The following SPARCL1 variants were observed in gnomAD, a reference collection of about 807,000 sequenced individuals.
SPARCL1 encodes SPARC like 1.
Under a neutral mutation model 67.1 loss-of-function variants are expected in SPARCL1, and 52 were observed. The observed-to-expected ratio is 0.78, with a 90% CI of 0.62 to 0.98. The LOEUF (loss-of-function observed/expected upper bound fraction) is 0.98. SPARCL1 is among the 50% of genes least tolerant of loss of function. SPARCL1 has a pLI of 0.00. For synonymous variants in SPARCL1, 226 were observed against 267.8 expected, an observed-to-expected ratio of 0.84 and a Z score of 1.52; for missense variants, 717 against 782.4, an observed-to-expected ratio of 0.92 and a Z score of 1.00.
chr4:87,523,470 C>T (rs1725908573), intron 1 of SPARCL1, among the ~76,000 whole-genome samples: 1 of 152,152 alleles, frequency 6.6e-6, no homozygotes, highest in African/African-American at 2.4e-5. Flanking sequence ...TTAAAAAGCA[C>T]TGGAAAAACA....
chr4:87,506,768 C>CTCTA (rs1311910627), intron 1 of SPARCL1, among the ~76,000 whole-genome samples: 1 of 124,158 alleles, frequency 8.1e-6, no homozygotes, highest in African/African-American at 3.1e-5. Context: ...TTATCTATAT[C>CTCTA]TCTATCTATC....
At chr4:87,499,028 C>T (rs1032633322) in intron 2 of SPARCL1, among the ~76,000 whole-genome samples, 1 of 152,126 alleles carries the variant, frequency 6.6e-6, no homozygotes, top group African/African-American at 2.4e-5. Flanking sequence ...GTGCCCGCCA[C>T]CATGCCCGGC....
At chr4:87,501,174 G>T (rs1243633144) in intron 1 of SPARCL1, among the ~76,000 whole-genome samples, 1 of 152,108 alleles carries the variant, frequency 6.6e-6, no homozygotes, top group Non-Finnish European at 1.5e-5. Flanking sequence ...CTTGGAAGTG[G>T]CACTCCCAGA....
intron 9 of SPARCL1, among the ~76,000 whole-genome samples, chr4:87,479,821 G>T (rs1264951560): frequency 6.6e-6 from 1 of 152,144 alleles, no homozygotes. Flanking sequence ...ATCTATAGGG[G>T]TGTACCCAGC....
chr4:87,517,144 A>T (rs1181251080), intron 1 of SPARCL1, among the ~76,000 whole-genome samples: 1 of 152,078 alleles, frequency 6.6e-6, no homozygotes, highest in Admixed American at 6.6e-5. Context: ...GGATTTTCTC[A>T]TATTTACATT....
In SPARCL1 at chr4:87,497,860, T is replaced by C. The variant is rs148643674; in HGVS notation, c.54+1661A>G. Among the ~76,000 whole-genome samples, 81 of 152,246 alleles carry C rather than the reference T, an allele frequency of 5.3e-4. 1 individual carries two copies. The East Asian group carries it at 0.016, about 29-fold the overall frequency. On this transcript the variant is annotated intron_variant, in intron 2 of 10. Transcript: ENST00000282470. Reference sequence around the variant, plus strand: ...GCCTCAACTACCCTGGCTTAAGGGATCCTCCCTCCTGTGCCTCCCAAGTAG... The same window carrying C: ...GCCTCAACTACCCTGGCTTAAGGGACCCTCCCTCCTGTGCCTCCCAAGTAG...
In SPARCL1 at chr4:87,494,219, T is replaced by A. The variant is rs1414978036; in HGVS notation, c.581A>T (p.Asp194Val). Reference protein sequence around the residue: ...GLRDQGNQEQDPNISNGEEEE... With the variant: ...GLRDQGNQEQVPNISNGEEEE... ...CTCTTCTCCATTGGAAATATTTGGA[T>A]CCTGCTCTTGGTTTCCTTGATCCCT... is the stretch of plus-strand genomic sequence containing the variant. The change falls in exon 4 of 11, where the codon GAT becomes GTT. Residue 194 changes from aspartate to valine, a missense_variant. Transcript: ENST00000282470. 2.4e-5 allele frequency: 39 copies of A among 1,614,046 alleles called. No individual in the cohort carries two copies. The highest frequency in any genetic ancestry group is 6.7e-5 in the Admixed American group (4 of 60,002).
intron 2 of SPARCL1, among the ~76,000 whole-genome samples, chr4:87,495,501 T>G (rs1402603908): frequency 6.6e-6 from 1 of 152,244 alleles, no homozygotes; most frequent in African/African-American, 2.4e-5. Flanking sequence ...CAAATAAAAT[T>G]AACCATAGGA....
chr4:87,516,071 T>C (rs920267531), intron 1 of SPARCL1, among the ~76,000 whole-genome samples: 2 of 152,186 alleles, frequency 1.3e-5, no homozygotes, highest in African/African-American at 4.8e-5. Context: ...CCTTGGAACT[T>C]TTACCTAATC....
In SPARCL1 at chr4:87,494,259, G is replaced by T. The variant is rs918107208; in HGVS notation, c.541C>A (p.His181Asn). Residue 181 changes from histidine (H) to asparagine (N), a missense_variant, in exon 4 of 11, where the codon CAT becomes AAT. By Grantham distance (68) the His-to-Asn change is moderately conservative. Coordinates refer to ENST00000282470, the MANE Select transcript of SPARCL1 (RefSeq NM_004684.6). ...CCTTGATCCCTTAGGCCTTGGCTAT[G>T]TTTACTGCTCCTGTTCAACTGATGA... Reference protein sequence around the residue: ...SHHQLNRSSKHSQGLRDQGNQ... With the variant: ...SHHQLNRSSKNSQGLRDQGNQ... The T allele has an allele frequency of 3.1e-6, 5 of 1,614,000 alleles. No homozygotes were observed. The highest frequency in any genetic ancestry group is 3.4e-6 in the Non-Finnish European group (4 of 1,180,018).
chr4:87,490,679 C>A, intron 6 of SPARCL1, 81 bp downstream of exon 6: 1 of 1,027,394 alleles, frequency 9.7e-7, no homozygotes, highest in East Asian at 2.5e-5. Context: ...CTTTTTTAAG[C>A]AAAAATTTCA....
At chr4:87,500,385 G>T (rs1479658611) in intron 1 of SPARCL1, among the ~76,000 whole-genome samples, 1 of 152,178 alleles carries the variant, frequency 6.6e-6, no homozygotes, top group Non-Finnish European at 1.5e-5. Flanking sequence ...GGTTAAGTAA[G>T]TTGTCTCCAG....
intron 1 of SPARCL1, among the ~76,000 whole-genome samples, chr4:87,519,227 C>T (rs575044443): frequency 5.3e-5 from 8 of 152,054 alleles, no homozygotes; most frequent in South Asian, 2.1e-4. Context: ...CACACAACCA[C>T]GCCCGGCTAA....
At chr4:87,490,472 G>A in intron 6 of SPARCL1, 79 bp from the exon 7 acceptor site, 1 of 1,473,672 alleles carries the variant, frequency 6.8e-7, no homozygotes, top group Non-Finnish European at 9.1e-7. Context: ...AAGCTCATAT[G>A]CTGATAACAG....
At position 87,494,612 on chromosome 4, in the gene SPARCL1, A is replaced by G. The variant is rs771523413; in HGVS notation, c.202-14T>C. On this transcript the variant is annotated splice_polypyrimidine_tract_variant and intron_variant, in intron 3 of 10. Coordinates refer to ENST00000282470, the MANE Select transcript of SPARCL1 (RefSeq NM_004684.6). ...TGATTTTTCAGCCTTAAAAGAAAAA[A>G]AAGTTCATTCTTCAAACAAATGATA... 1.9e-6 allele frequency: 3 copies of G among 1,553,268 alleles called. No individual in the cohort carries two copies. The highest frequency in any genetic ancestry group is 1.7e-6 in the Non-Finnish European group (2 of 1,156,078).
At position 87,474,743 on chromosome 4, in the gene SPARCL1, C is replaced by CTCT. The variant is rs759777270; in HGVS notation, c.1967-941_1967-940insAGA. On this transcript the variant is annotated intron_variant, in intron 10 of 10. Coordinates refer to ENST00000282470, the MANE Select transcript of SPARCL1 (RefSeq NM_004684.6). ...CATCTGTAAAGATTTCTCTCTCTCT[C>CTCT]TTTTTTTTTTTTTTTTTGAGACGGA... Among the ~76,000 whole-genome samples the CTCT allele has an allele frequency of 1.2e-3, 152 of 130,734 alleles. 5 individuals carry two copies. In the South Asian group the frequency reaches 0.031, roughly 26 times the overall value. The allele number at this position is 130,734 out of a possible 152,430, so 85.8% of individuals were successfully genotyped here. A position where few individuals can be genotyped will look rare whatever the true frequency, so the allele number is the denominator to read the frequency against.
chr4:87,528,261 C>T (rs150859237), intron 1 of SPARCL1: 2 of 151,982 alleles, frequency 1.3e-5, no homozygotes, highest in Non-Finnish European at 2.9e-5. Context: ...GCACAACCTA[C>T]ATTATTGCTT....
intron 1 of SPARCL1, among the ~76,000 whole-genome samples, chr4:87,501,506 TA>T (rs758985560): frequency 5.3e-5 from 8 of 151,766 alleles, no homozygotes; most frequent in South Asian, 2.1e-4. Flanking sequence ...TAGATTGGAG[TA>T]TTTTTTTCTC....
chr4:87,502,132 T>C (rs4693823), intron 1 of SPARCL1, among the ~76,000 whole-genome samples: 65,843 of 151,734 alleles, frequency 0.43, 14,986 homozygotes, highest in East Asian at 0.75. Flanking sequence ...AAATTATACC[T>C]TTATACTTCA....
Sources: gnomAD v4.1 joint callset for allele counts (sites outside exome capture counted in the v4.1 genomes callset) on GRCh38, gnomAD v4.1.1 for gene constraint, MANE v1.5 for transcripts, NCBI Gene and HGNC (gene_info 2026-07-23, HGNC 2026-07-21) for gene names.